ARFGAP3: variants seen among roughly 807,000 people sequenced by gnomAD.
The protein encoded by ARFGAP3 is ADP-ribosylation factor GTPase-activating protein 3.
A neutral mutation model predicts 75.0 loss-of-function variants in ARFGAP3; 72 were observed. The ratio of observed to expected loss-of-function variants is 0.96; its 90% CI spans 0.79 to 1.17. The LOEUF (loss-of-function observed/expected upper bound fraction) is 1.17. Among genes scored for constraint, ARFGAP3 ranks in the 50% most tolerant of loss-of-function variants. The pLI is 0.00. For synonymous variants in ARFGAP3, 221 were observed against 217.9 expected, an observed-to-expected ratio of 1.01 and a Z score of -0.13; for missense variants, 620 against 626.6, an observed-to-expected ratio of 0.99 and a Z score of 0.11.
At chr22:42,809,943 G>A (rs1188401017) in intron 12 of ARFGAP3, among the ~76,000 whole-genome samples, 1 of 145,542 alleles carries the variant, frequency 6.9e-6, no homozygotes, top group African/African-American at 2.6e-5. Context: ...GGCGGAGCTT[G>A]CAGTGAGCTG....
At chr22:42,807,260 C>T (rs1449280292) in intron 13 of ARFGAP3, 97 bp from the exon 14 acceptor site, 6 of 1,475,812 alleles carry the variant, frequency 4.1e-6, no homozygotes, top group Non-Finnish European at 9.0e-7. Context: ...AAGTGTTTGA[C>T]CCCCAGGCTC....
At chr22:42,825,639 C>T (rs1158813918) in intron 7 of ARFGAP3, among the ~76,000 whole-genome samples, 2 of 148,946 alleles carry the variant, frequency 1.3e-5, no homozygotes, top group African/African-American at 2.5e-5. Context: ...GAGCTGAGAT[C>T]GTGCCAGTGT....
chr22:42,832,162 C>CAA (rs78600056), intron 5 of ARFGAP3, among the ~76,000 whole-genome samples: 2,990 of 75,904 alleles, frequency 0.039, 101 homozygotes, highest in African/African-American at 0.12. Context: ...ATTATAATAG[C>CAA]AAAAAAAAAA....
At chr22:42,807,402 G>C (rs1179599572) in intron 13 of ARFGAP3, 2 of 293,186 alleles carry the variant, frequency 6.8e-6, no homozygotes, top group Non-Finnish European at 1.0e-5. Context: ...ACGATGGCCA[G>C]TGCGGAGGCC....
intron 7 of ARFGAP3, among the ~76,000 whole-genome samples, chr22:42,825,359 T>C (rs1925991673): frequency 6.6e-6 from 1 of 152,212 alleles, no homozygotes; most frequent in Admixed American, 6.5e-5. Context: ...ATAGATTTTA[T>C]CATATTAGCC....
intron 2 of ARFGAP3, among the ~76,000 whole-genome samples, chr22:42,845,917 A>G (rs1326712602): frequency 1.3e-5 from 2 of 151,872 alleles, no homozygotes; most frequent in Non-Finnish European, 2.9e-5. Context: ...GCGCACTTGT[A>G]ATCCCAGCTA....
Position 42,832,987 on chromosome 22 carries a change from TA to T in ARFGAP3, c.477+1254del, listed in dbSNP as rs1555898580. Among the ~76,000 whole-genome samples, 764 of 135,818 alleles carry T rather than the reference TA, an allele frequency of 5.6e-3. 2 individuals carry two copies. Among genetic ancestry groups the T allele is most frequent in the South Asian group, 9.6e-3 (41 of 4,278 alleles). 89.1% of individuals were successfully genotyped at this position (135,818 alleles called of 152,430 possible). ...GAAACAAGAGGGAAAACTCCGTCTT[TA>T]AAAAAAAAAAAAAAGAAAGGAAGAA... On this transcript the variant is annotated intron_variant, in intron 5 of 15. Transcript: ENST00000263245.
At chr22:42,842,030 T>C (rs1388857828) in intron 2 of ARFGAP3, among the ~76,000 whole-genome samples, 1 of 146,388 alleles carries the variant, frequency 6.8e-6, no homozygotes, top group African/African-American at 2.6e-5. Context: ...TTTTTTTTTT[T>C]TTGAGACGGA....
rs1436718702 is a variant in ARFGAP3, at chr22:42,823,658, CT to C, written c.669del (p.Gly224AlafsTer32). 7.0e-6 allele frequency: 11 copies of C among 1,567,428 alleles called. No homozygotes were observed. Among genetic ancestry groups the C allele is most frequent in the African/African-American group, 1.4e-5 (1 of 72,696 alleles). ...TATATAAAGTACATAATACTCACGC[CT>C]TTTTTAGCTTGATTTGGTTTCTTTT... is the stretch of plus-strand genomic sequence containing the variant. The part of the protein sequence containing the change: ...IIKKKPNQAK[K>X]GLGAKKGSLG... On this transcript the variant is annotated frameshift_variant, in exon 8 of 16. Transcript: ENST00000263245. LOFTEE classifies it high-confidence loss of function.
At chr22:42,803,231 C>T (rs1308962111) in intron 14 of ARFGAP3, among the ~76,000 whole-genome samples, 1 of 152,104 alleles carries the variant, frequency 6.6e-6, no homozygotes, top group African/African-American at 2.4e-5. Context: ...TCTGGAACTC[C>T]TGGGGCCACT....
At chr22:42,810,605 G>A (rs1393845589) in intron 12 of ARFGAP3, among the ~76,000 whole-genome samples, 1 of 152,218 alleles carries the variant, frequency 6.6e-6, no homozygotes, top group Non-Finnish European at 1.5e-5. Context: ...CCAGGCTAGA[G>A]TACACTGGCG....
rs1927545355 is a variant in ARFGAP3 at position 42,857,191 on chromosome 22, G to A, written c.-9C>T. On this transcript the variant is annotated 5_prime_UTR_variant, in exon 1 of 16. Coordinates refer to ENST00000263245, the MANE Select transcript of ARFGAP3 (RefSeq NM_014570.5). The stretch of plus-strand genomic sequence containing the variant: ...TTGCTGGGGTCCCCCATCGTCAGCT[G>A]TGAGCCGCGGCGCAGCTGGCCCAGC... 2.0e-6 allele frequency: 3 copies of A among 1,509,590 alleles called. No homozygotes were observed. Among genetic ancestry groups the A allele is most frequent in the African/African-American group, 1.4e-5 (1 of 69,390 alleles). The allele number at this position is 1,509,590 out of a possible 1,614,324, so 93.5% of individuals were successfully genotyped here.
intron 14 of ARFGAP3, among the ~76,000 whole-genome samples, chr22:42,803,863 T>C: frequency 6.6e-6 from 1 of 151,554 alleles, no homozygotes; most frequent in Non-Finnish European, 1.5e-5. Flanking sequence ...ACAGAACTGA[T>C]TGTTTCCTTC....
intron 7 of ARFGAP3, among the ~76,000 whole-genome samples, chr22:42,824,212 T>C (rs113725107): frequency 0.046 from 6,561 of 143,364 alleles, 258 homozygotes; most frequent in African/African-American, 0.1. Context: ...ATGGGTGTCT[T>C]GCTATGTTGC....
intron 13 of ARFGAP3, among the ~76,000 whole-genome samples, chr22:42,807,801 CTTT>C (rs111653734): frequency 2.1e-5 from 3 of 143,404 alleles, no homozygotes; most frequent in African/African-American, 2.5e-5. Context: ...ACATTTCTTT[CTTT>C]TTTTTTTTTT....
intron 1 of ARFGAP3, among the ~76,000 whole-genome samples, chr22:42,852,092 G>A (rs1927300596): frequency 6.7e-6 from 1 of 150,068 alleles, no homozygotes; most frequent in African/African-American, 2.5e-5. Flanking sequence ...TTTTGAGATA[G>A]GGTCTCATGC....
At chr22:42,843,552 C>A (rs978879316) in intron 2 of ARFGAP3, among the ~76,000 whole-genome samples, 18 of 152,106 alleles carry the variant, frequency 1.2e-4, no homozygotes, top group Non-Finnish European at 2.2e-4. Flanking sequence ...ATTATCAAAA[C>A]CTCACCAAAC....
chr22:42,842,011 C>CTTTTTTTTTTTTTTTTTTT (rs55825441), intron 2 of ARFGAP3, among the ~76,000 whole-genome samples: 2 of 91,274 alleles, frequency 2.2e-5, no homozygotes, highest in Non-Finnish European at 4.1e-5. Context: ...CCATGCCGGG[C>CTTTTTTTTTTTTTTTTTTT]TTTTTTTTTT....
intron 7 of ARFGAP3, among the ~76,000 whole-genome samples, chr22:42,824,979 T>C (rs1370301540): frequency 6.6e-6 from 1 of 152,276 alleles, no homozygotes; most frequent in Non-Finnish European, 1.5e-5. Context: ...TTTACGATAA[T>C]GGCCTCCAGC....
Sources: gnomAD v4.1 joint callset for allele counts (sites outside exome capture counted in the v4.1 genomes callset) on GRCh38, gnomAD v4.1.1 for gene constraint, MANE v1.5 for transcripts, NCBI Gene and HGNC (gene_info 2026-07-23, HGNC 2026-07-21) for gene names.